The following ZNF200 variants were observed in gnomAD, a reference collection of about 807,000 sequenced individuals.
The protein encoded by ZNF200 is zinc finger protein 200.
In ZNF200, 35 loss-of-function variants were observed where a neutral mutation model predicts 33.6. The ratio of observed to expected loss-of-function variants is 1.04; its 90% CI spans 0.80 to 1.38. ZNF200 has a LOEUF of 1.38. Among genes scored for constraint, ZNF200 ranks in the 40% most tolerant of loss-of-function variants. The pLI, the probability that ZNF200 is intolerant of heterozygous loss-of-function variation, is 0.00. For missense variants in ZNF200, 592 were observed against 470.6 expected (o/e 1.26, Z -2.39); for synonymous variants, 209 against 167.7 (o/e 1.25, Z -1.90).
chr16:3,223,996 T>G lies in ZNF200; in HGVS notation c.1084A>C (p.Arg362=), dbSNP rs775642199. The G allele has an allele frequency of 6.2e-7, 1 of 1,614,170 alleles. No individual in the cohort carries two copies. Among genetic ancestry groups the G allele is most frequent in the East Asian group, 2.2e-5 (1 of 44,882 alleles). The change falls in exon 5 of 5, where the codon AGA becomes CGA. Residue 362 remains arginine, a synonymous_variant. Coordinates refer to ENST00000414144, the MANE Select transcript of ZNF200 (RefSeq NM_198088.3). ...CCACATTTTTTGCAACCATATGGTC[T>G]CTCAGCCTCATGACTCTGCAGATGA... ...VLHLQSHEAE[R]PYGCKKCGRR...
chr16:3,232,576 T>C, intron 3 of ZNF200, 29 bp from the exon 4 acceptor site: 3 of 1,610,334 alleles, frequency 1.9e-6, no homozygotes, highest in Non-Finnish European at 1.7e-6. Flanking sequence ...CCTTTCATCT[T>C]AGTAACTGAG....
chr16:3,233,149 A>G (rs969158187), intron 2 of ZNF200, among the ~76,000 whole-genome samples: 1 of 152,174 alleles, frequency 6.6e-6, no homozygotes, highest in Non-Finnish European at 1.5e-5. Flanking sequence ...AGAATTTCCC[A>G]TAGAGTATTA....
intron 4 of ZNF200, among the ~76,000 whole-genome samples, chr16:3,229,974 G>A (rs1290583735): frequency 1.3e-5 from 2 of 152,226 alleles, no homozygotes; most frequent in African/African-American, 4.8e-5. Context: ...GATGGAGGTG[G>A]GGCCTAGTCG....
intron 4 of ZNF200, chr16:3,227,788 C>T (rs945106950): frequency 4.6e-5 from 7 of 152,154 alleles, no homozygotes; most frequent in Non-Finnish European, 8.8e-5. Context: ...TCAATTAAAC[C>T]TGTTTCCTTT....
intron 4 of ZNF200, among the ~76,000 whole-genome samples, chr16:3,228,281 G>T (rs1958527912): frequency 6.6e-6 from 1 of 151,944 alleles, no homozygotes; most frequent in Non-Finnish European, 1.5e-5. Context: ...TTTTTCCCAT[G>T]AGAGTACTTA....
In ZNF200 at chr16:3,223,207, C is replaced by A. The variant is rs1426637394; in HGVS notation, c.*685G>T. The A allele has an allele frequency of 6.6e-6, 1 of 152,160 alleles. No individual in the cohort carries two copies. The highest frequency in any genetic ancestry group is 1.5e-5 in the Non-Finnish European group (1 of 68,034). 9.4% of individuals were successfully genotyped at this position (152,160 alleles called of 1,614,324 possible). A position where few individuals can be genotyped will look rare whatever the true frequency, so the allele number is the denominator to read the frequency against. On this transcript the variant is annotated 3_prime_UTR_variant, in exon 5 of 5. Coordinates refer to ENST00000414144, the MANE Select transcript of ZNF200 (RefSeq NM_198088.3). ...GAGAGATCAACAGCAGAACAAAATA[C>A]AATAAGAACAGTAGACACCTAAATT...
chr16:3,229,258 T>A (rs978673435), intron 4 of ZNF200, among the ~76,000 whole-genome samples: 29 of 152,172 alleles, frequency 1.9e-4, no homozygotes, highest in African/African-American at 7.0e-4. Context: ...TCAGAATTTA[T>A]GGTATAACCT....
chr16:3,224,908 C>G (rs1958428399), intron 4 of ZNF200: 2 of 347,776 alleles, frequency 5.8e-6, no homozygotes, highest in Admixed American at 4.4e-5. Context: ...TTCATATTCA[C>G]CTTATACTCT....
At chr16:3,227,812 T>C (rs1401874632) in intron 4 of ZNF200, 1 of 152,202 alleles carries the variant, frequency 6.6e-6, no homozygotes, top group Non-Finnish European at 1.5e-5. Context: ...AATTACCAAG[T>C]CTCGGACAAT....
In ZNF200 at chr16:3,224,065, G is replaced by C; in HGVS notation, c.1015C>G (p.Pro339Ala). The change falls in exon 5 of 5, where the codon CCA (proline) becomes GCA (alanine). Residue 339 changes from proline to alanine, a missense_variant. By Grantham distance (27) the Pro-to-Ala change is conservative (BLOSUM62 -1). Transcript: ENST00000414144. ...IHIREKIFKC[P>A]ECGKTFPKNE... ...TTTGGGAAGGTTTTCCCACATTCTGGACACTTAAATATCTTCTCCCTTATA... is the reference window on the plus strand; with the variant it reads ...TTTGGGAAGGTTTTCCCACATTCTGCACACTTAAATATCTTCTCCCTTATA... 1 of 1,614,122 alleles carries C rather than the reference G, an allele frequency of 6.2e-7. No homozygotes were observed.
intron 4 of ZNF200, 79 bp from the exon 5 acceptor site, chr16:3,224,692 G>T (rs2141615152): frequency 6.7e-7 from 1 of 1,496,294 alleles, no homozygotes; most frequent in South Asian, 1.4e-5. Flanking sequence ...GGTTTCTTAT[G>T]CCACAGCCAC....
chr16:3,233,288 G>T (rs976487004), intron 2 of ZNF200, among the ~76,000 whole-genome samples: 1 of 152,224 alleles, frequency 6.6e-6, no homozygotes, highest in African/African-American at 2.4e-5. Context: ...CCCTCAGAAT[G>T]TTTGGGTAAA....
intron 4 of ZNF200, chr16:3,227,127 A>C (rs493542): frequency 2.6e-5 from 4 of 152,182 alleles, no homozygotes; most frequent in African/African-American, 9.7e-5. Flanking sequence ...TTTTAGTAAA[A>C]ATGGGGTTTT....
At position 3,223,290 on chromosome 16, in the gene ZNF200, AAATT is replaced by A. The variant is rs1247625387; in HGVS notation, c.*598_*601del. On this transcript the variant is annotated 3_prime_UTR_variant, in exon 5 of 5. Transcript: ENST00000414144. ...TTATCACAAATTGTAAATATTATTG[AAATT>A]GATTGCAAATTTAGATCACATACAA... The A allele has an allele frequency of 6.6e-6, 1 of 152,318 alleles. No homozygotes were observed. Among genetic ancestry groups the A allele is most frequent in the Non-Finnish European group, 1.5e-5 (1 of 68,080 alleles). The allele number at this position is 152,318 out of a possible 1,614,324, so 9.4% of individuals were successfully genotyped here.
intron 4 of ZNF200, among the ~76,000 whole-genome samples, chr16:3,230,343 AG>A (rs1390477754): frequency 6.6e-6 from 1 of 152,262 alleles, no homozygotes; most frequent in Non-Finnish European, 1.5e-5. Flanking sequence ...TCCAGGTGGA[AG>A]GAACTTTAAT....
chr16:3,232,111 C>T (rs1958649935), intron 4 of ZNF200, among the ~76,000 whole-genome samples: 1 of 152,064 alleles, frequency 6.6e-6, no homozygotes, highest in Non-Finnish European at 1.5e-5. Context: ...TGAAAACATT[C>T]AAATATACCT....
chr16:3,227,486 C>T (rs1039415320), intron 4 of ZNF200: 2 of 152,180 alleles, frequency 1.3e-5, no homozygotes, highest in Admixed American at 6.5e-5. Context: ...ATCAAAAAGT[C>T]CCCCTTTATG....
intron 4 of ZNF200, among the ~76,000 whole-genome samples, chr16:3,228,261 A>G (rs1958526880): frequency 6.6e-6 from 1 of 152,084 alleles, no homozygotes; most frequent in South Asian, 2.1e-4. Flanking sequence ...ACCTTAGTGA[A>G]TGGTCTCATT....
At chr16:3,228,902 T>C (rs936505181) in intron 4 of ZNF200, among the ~76,000 whole-genome samples, 2 of 152,148 alleles carry the variant, frequency 1.3e-5, no homozygotes, top group African/African-American at 4.8e-5. Context: ...TGCATATTTT[T>C]TCTAGAAAAC....
Sources: allele counts gnomAD v4.1 joint callset (sites outside exome capture counted in the v4.1 genomes callset), GRCh38; gene constraint gnomAD v4.1.1; transcripts MANE v1.5; gene names NCBI Gene and HGNC (gene_info 2026-07-23, HGNC 2026-07-21).